The following SGCZ variants were observed in gnomAD, a reference collection of about 807,000 sequenced individuals.
SGCZ encodes the protein sarcoglycan zeta, also known as zeta-sarcoglycan.
A neutral mutation model predicts 41.3 loss-of-function variants in SGCZ; 40 were observed. The ratio of observed to expected loss-of-function variants is 0.97; its 90% confidence interval spans 0.75 to 1.26. SGCZ has a LOEUF of 1.26. Ranked by LOEUF, SGCZ falls within the 50% of genes most tolerant of loss-of-function variation. The pLI, the probability that SGCZ is intolerant of heterozygous loss-of-function variation, is 0.00. For synonymous variants in SGCZ, 206 were observed against 137.5 expected (o/e 1.50, Z -3.49); for missense variants, 552 against 369.8 (o/e 1.49, Z -4.04).
intron 4 of SGCZ, among the ~76,000 whole-genome samples, chr8:14,188,834 G>GTTTTTTT (rs869252351): frequency 1.6e-5 from 1 of 61,738 alleles, no homozygotes; most frequent in African/African-American, 1.3e-4. Flanking sequence ...GTTTTTTTTT[G>GTTTTTTT]TTTGTTTGTT....
At chr8:14,734,587 A>T (rs2036824) in intron 1 of SGCZ, among the ~76,000 whole-genome samples, 58,895 of 151,952 alleles carry the variant, frequency 0.39, 13,710 homozygotes, top group African/African-American at 0.65. Context: ...TAGAATATTG[A>T]AGGAATATTG....
At chr8:14,808,984 A>AT (rs1208231771) in intron 1 of SGCZ, among the ~76,000 whole-genome samples, 3 of 151,412 alleles carry the variant, frequency 2.0e-5, no homozygotes, top group Non-Finnish European at 2.9e-5. Context: ...GCAAGAACAA[A>AT]AAACCAAACA....
chr8:14,647,347 T>C (rs1295195047), intron 1 of SGCZ, among the ~76,000 whole-genome samples: 1 of 152,034 alleles, frequency 6.6e-6, no homozygotes, highest in African/African-American at 2.4e-5. Flanking sequence ...AAATAGGCTT[T>C]ATTGTACAAT....
At chr8:14,360,766 A>C (rs959248862) in intron 2 of SGCZ, among the ~76,000 whole-genome samples, 1 of 152,158 alleles carries the variant, frequency 6.6e-6, no homozygotes, top group African/African-American at 2.4e-5. Context: ...ATGGACATTC[A>C]CGTTCAGGTT....
Position 14,084,959 on chromosome 8 carries a change from T to C in SGCZ, c.*5484A>G, listed in dbSNP as rs559078553. On this transcript the variant is annotated 3_prime_UTR_variant, in exon 8 of 8. Coordinates refer to ENST00000382080, the MANE Select transcript of SGCZ (RefSeq NM_139167.4). ...AGAGATCTTAAATTATATGAGCTCA[T>C]TGCATGCTTCAAAAGGTCTCATTTC... Among the ~76,000 whole-genome samples the C allele has an allele frequency of 5.3e-5, 8 of 151,870 alleles. No homozygotes were observed. The highest frequency in any genetic ancestry group is 3.9e-4 in the East Asian group (2 of 5,128).
chr8:14,331,478 T>C (rs1388026648), intron 2 of SGCZ, among the ~76,000 whole-genome samples: 3 of 152,098 alleles, frequency 2.0e-5, no homozygotes, highest in Non-Finnish European at 4.4e-5. Context: ...TGTTTTACAA[T>C]GTTGTTTGCT....
chr8:14,912,295 A>G (rs1283772131), intron 1 of SGCZ, among the ~76,000 whole-genome samples: 1 of 151,982 alleles, frequency 6.6e-6, no homozygotes, highest in Admixed American at 6.6e-5. Flanking sequence ...TGTAGTTTTT[A>G]TAATGCTTAA....
At chr8:14,303,481 A>G (rs573100958) in intron 3 of SGCZ, among the ~76,000 whole-genome samples, 5 of 152,256 alleles carry the variant, frequency 3.3e-5, no homozygotes, top group African/African-American at 4.8e-5. Context: ...ATGTTCATAG[A>G]CTAGAAGTCC....
chr8:14,658,097 G>A (rs987915459), intron 1 of SGCZ, among the ~76,000 whole-genome samples: 4 of 152,124 alleles, frequency 2.6e-5, no homozygotes, highest in Non-Finnish European at 4.4e-5. Flanking sequence ...CTTCATGCGT[G>A]CAAAAGGAGC....
intron 3 of SGCZ, among the ~76,000 whole-genome samples, chr8:14,258,154 A>T (rs1799530698): frequency 1.3e-5 from 2 of 152,186 alleles, no homozygotes; most frequent in African/African-American, 4.8e-5. Context: ...TTATATGCTA[A>T]AAGAGAATAT....
intron 1 of SGCZ, among the ~76,000 whole-genome samples, chr8:14,584,623 A>C (rs35614367): frequency 0.23 from 35,095 of 151,924 alleles, 4,711 homozygotes; most frequent in Non-Finnish European, 0.31. Context: ...TCAAAAGTTA[A>C]AATAAAAGAG....
chr8:14,246,427 G>T (rs896920207), intron 3 of SGCZ, among the ~76,000 whole-genome samples: 1 of 151,444 alleles, frequency 6.6e-6, no homozygotes, highest in African/African-American at 2.4e-5. Flanking sequence ...AAGGGAACAT[G>T]ACACTCTGGG....
intron 2 of SGCZ, among the ~76,000 whole-genome samples, chr8:14,534,733 C>A (rs1453860246): frequency 1.3e-5 from 2 of 151,960 alleles, no homozygotes; most frequent in African/African-American, 2.4e-5. Flanking sequence ...AGTATAAACT[C>A]ATTGAAAGAA....
At chr8:14,438,581 G>C (rs1197053137) in intron 2 of SGCZ, among the ~76,000 whole-genome samples, 1 of 151,938 alleles carries the variant, frequency 6.6e-6, no homozygotes, top group Non-Finnish European at 1.5e-5. Flanking sequence ...AGTGTTCCTA[G>C]AGGGAATTAG....
intron 2 of SGCZ, among the ~76,000 whole-genome samples, chr8:14,457,669 G>A (rs901660792): frequency 1.3e-5 from 2 of 152,160 alleles, no homozygotes; most frequent in Non-Finnish European, 2.9e-5. Context: ...TCCCTGATAT[G>A]CAGAAATAAT....
At chr8:14,229,729 A>T (rs1478035) in intron 4 of SGCZ, among the ~76,000 whole-genome samples, 1 of 151,802 alleles carries the variant, frequency 6.6e-6, no homozygotes, top group Non-Finnish European at 1.5e-5. Flanking sequence ...CTTTTTATAC[A>T]TCCTATACCA....
At chr8:14,237,561 G>T in intron 4 of SGCZ, 31 bp downstream of exon 4, 2 of 1,591,734 alleles carry the variant, frequency 1.3e-6, no homozygotes, top group Non-Finnish European at 1.7e-6. Context: ...ACCAAGCACA[G>T]TAGGAGCAAT....
At chr8:14,203,011 T>C (rs1161239346) in intron 4 of SGCZ, among the ~76,000 whole-genome samples, 1 of 152,106 alleles carries the variant, frequency 6.6e-6, no homozygotes, top group African/African-American at 2.4e-5. Flanking sequence ...GTTTTAAAAA[T>C]GGGAGTTTCC....
chr8:14,633,618 C>A (rs1252398499), intron 1 of SGCZ, among the ~76,000 whole-genome samples: 1 of 151,754 alleles, frequency 6.6e-6, no homozygotes, highest in Non-Finnish European at 1.5e-5. Flanking sequence ...CTACAACAAA[C>A]AGCTGTTTTT....
Sources: gnomAD v4.1 joint callset for allele counts (sites outside exome capture counted in the v4.1 genomes callset) on GRCh38, gnomAD v4.1.1 for gene constraint, MANE v1.5 for transcripts, NCBI Gene and HGNC (gene_info 2026-07-23, HGNC 2026-07-21) for gene names.